Variants in ST18 observed in about 807,000 individuals in gnomAD.
The protein encoded by ST18 is ST18 C2H2C-type zinc finger transcription factor, also known as suppression of tumorigenicity 18 protein.
ST18 carries 50 observed loss-of-function variants against 110.0 expected under a neutral mutation model. That is an observed-to-expected ratio of 0.45 (90% CI 0.36 to 0.58). The LOEUF (loss-of-function observed/expected upper bound fraction) is 0.58. ST18 is among the 20% of genes least tolerant of loss of function. The pLI is 0.00. For synonymous variants in ST18, 461 were observed against 452.4 expected, an observed-to-expected ratio of 1.02 and a Z score of -0.24; for missense variants, 1,306 against 1,280.1, an observed-to-expected ratio of 1.02 and a Z score of -0.31.
intron 2 of ST18, among the ~76,000 whole-genome samples, chr8:52,400,225 C>G (rs1270310637): frequency 6.6e-6 from 1 of 152,050 alleles, no homozygotes; most frequent in Non-Finnish European, 1.5e-5. Context: ...AAACAGCCAT[C>G]TCTGCTCTTT....
intron 2 of ST18, among the ~76,000 whole-genome samples, chr8:52,373,978 C>T (rs1042627287): frequency 4.6e-5 from 7 of 152,184 alleles, no homozygotes; most frequent in East Asian, 1.9e-4. Flanking sequence ...GAACAGTTTT[C>T]GCCATCATTC....
chr8:52,218,388 CT>C (rs377312658), intron 5 of ST18, among the ~76,000 whole-genome samples: 34,030 of 141,626 alleles, frequency 0.24, 4,446 homozygotes, highest in African/African-American at 0.37. Context: ...CTTTTTTTTT[CT>C]TTTTTTTTTT....
At chr8:52,284,016 A>G (rs1240672553) in intron 2 of ST18, among the ~76,000 whole-genome samples, 1 of 152,142 alleles carries the variant, frequency 6.6e-6, no homozygotes, top group Non-Finnish European at 1.5e-5. Context: ...AGCTTGGTTG[A>G]TTTTTTCCCC....
chr8:52,322,100 T>G (rs185859545), intron 2 of ST18, among the ~76,000 whole-genome samples: 1 of 152,332 alleles, frequency 6.6e-6, no homozygotes, highest in East Asian at 1.9e-4. Flanking sequence ...GGAAGTGGGC[T>G]TCTAACAAGT....
intron 2 of ST18, among the ~76,000 whole-genome samples, chr8:52,257,983 T>C (rs957562201): frequency 6.6e-6 from 1 of 152,210 alleles, no homozygotes; most frequent in Non-Finnish European, 1.5e-5. Context: ...TCCAACTGCA[T>C]TCTTTTTCAT....
At chr8:52,375,753 G>T (rs1832090509) in intron 2 of ST18, among the ~76,000 whole-genome samples, 2 of 152,128 alleles carry the variant, frequency 1.3e-5, no homozygotes, top group South Asian at 4.1e-4. Context: ...CACATCGACT[G>T]CCTATTTGGT....
At chr8:52,284,067 A>G (rs1245461472) in intron 2 of ST18, among the ~76,000 whole-genome samples, 2 of 152,176 alleles carry the variant, frequency 1.3e-5, no homozygotes, top group African/African-American at 4.8e-5. Flanking sequence ...AATGAGGCAA[A>G]AATAGGATTT....
At chr8:52,267,554 C>T (rs560639448) in intron 2 of ST18, among the ~76,000 whole-genome samples, 15 of 150,716 alleles carry the variant, frequency 1.0e-4, no homozygotes, top group East Asian at 7.8e-4. Context: ...ACAGTGTCCT[C>T]GGAAGACAGT....
chr8:52,165,646 C>A (rs1457560321), intron 11 of ST18, among the ~76,000 whole-genome samples: 1 of 152,122 alleles, frequency 6.6e-6, no homozygotes, highest in African/African-American at 2.4e-5. Flanking sequence ...CATTTTGATT[C>A]TTTGTCCATC....
At chr8:52,357,479 A>C (rs1195497820) in intron 2 of ST18, among the ~76,000 whole-genome samples, 1 of 151,440 alleles carries the variant, frequency 6.6e-6, no homozygotes, top group Non-Finnish European at 1.5e-5. Context: ...AAGTGAAAGA[A>C]TGGAAAAGAT....
At chr8:52,308,547 A>G in intron 2 of ST18, among the ~76,000 whole-genome samples, 1 of 152,182 alleles carries the variant, frequency 6.6e-6, no homozygotes, top group East Asian at 1.9e-4. Context: ...CTTTCAGAGG[A>G]AAAAAATGTT....
chr8:52,296,036 C>A (rs796664251), intron 2 of ST18, among the ~76,000 whole-genome samples: 1 of 151,932 alleles, frequency 6.6e-6, no homozygotes, highest in African/African-American at 2.4e-5. Context: ...CCCAACTTAA[C>A]ACAACCCCTG....
chr8:52,394,326 A>G (rs546901597), intron 2 of ST18, among the ~76,000 whole-genome samples: 1 of 152,334 alleles, frequency 6.6e-6, no homozygotes, highest in East Asian at 1.9e-4. Context: ...TCTTAAAATT[A>G]AAAATATATA....
At chr8:52,304,601 C>A (rs2095784830) in intron 2 of ST18, among the ~76,000 whole-genome samples, 4 of 152,104 alleles carry the variant, frequency 2.6e-5, no homozygotes, top group African/African-American at 7.2e-5. Flanking sequence ...GTTAAATGAA[C>A]AATGATTTCC....
intron 2 of ST18, among the ~76,000 whole-genome samples, chr8:52,324,043 A>G (rs980166611): frequency 1.3e-5 from 2 of 152,026 alleles, no homozygotes; most frequent in African/African-American, 2.4e-5. Context: ...TTGAAGCTCA[A>G]CCCTTGTTCC....
chr8:52,275,081 C>A (rs1032888323), intron 2 of ST18, among the ~76,000 whole-genome samples: 1 of 152,152 alleles, frequency 6.6e-6, no homozygotes, highest in Non-Finnish European at 1.5e-5. Flanking sequence ...GGTTTGGTTT[C>A]TGTACGATAC....
At chr8:52,115,945 A>G (rs1285866591) in intron 25 of ST18, among the ~76,000 whole-genome samples, 2 of 152,200 alleles carry the variant, frequency 1.3e-5, no homozygotes, top group African/African-American at 4.8e-5. Context: ...TTTGTAAGAC[A>G]TGGAATCTTC....
chr8:52,211,274 G>A (rs927266395), intron 8 of ST18, among the ~76,000 whole-genome samples: 4 of 151,844 alleles, frequency 2.6e-5, no homozygotes, highest in Non-Finnish European at 4.4e-5. Context: ...TGTAGTAGCA[G>A]CAATATCTGT....
chr8:52,253,396 C>A (rs1270596437), intron 2 of ST18, among the ~76,000 whole-genome samples: 1 of 152,012 alleles, frequency 6.6e-6, no homozygotes, highest in Non-Finnish European at 1.5e-5. Flanking sequence ...TTCTTCAGCC[C>A]TTCTGGTATT....
Sources: gnomAD v4.1 joint callset for allele counts (sites outside exome capture counted in the v4.1 genomes callset) on GRCh38, gnomAD v4.1.1 for gene constraint, MANE v1.5 for transcripts, NCBI Gene and HGNC (gene_info 2026-07-23, HGNC 2026-07-21) for gene names.